The following MYBL1 variants were observed in gnomAD, a reference collection of about 807,000 sequenced individuals.
MYBL1 encodes the protein MYB proto-oncogene like 1, also known as myb-related protein A.
In MYBL1, 17 loss-of-function variants were observed where a neutral mutation model predicts 96.3. The observed-to-expected ratio is 0.18, with a 90% CI of 0.12 to 0.26. The LOEUF (loss-of-function observed/expected upper bound fraction) is 0.26. MYBL1 is among the 10% of genes least tolerant of loss of function. MYBL1 has a pLI of 1.00. For missense variants in MYBL1, 701 were observed against 882.9 expected, an observed-to-expected ratio of 0.79 and a Z score of 2.61; for synonymous variants, 282 against 292.7, an observed-to-expected ratio of 0.96 and a Z score of 0.37.
chr8:66,567,075 A>G (rs1808534111), intron 12 of MYBL1, 83 bp from the exon 13 acceptor site: 4 of 816,964 alleles, frequency 4.9e-6, no homozygotes, highest in Non-Finnish European at 7.8e-6. Context: ...CATCTTTTAT[A>G]CTTGTCCATT....
intron 8 of MYBL1, among the ~76,000 whole-genome samples, chr8:66,581,656 A>G (rs1183449889): frequency 1.3e-5 from 2 of 152,216 alleles, no homozygotes; most frequent in African/African-American, 4.8e-5. Context: ...AGCCTGGCTG[A>G]CAGAGTGAGA....
chr8:66,609,719 A>G (rs900598322), intron 1 of MYBL1, among the ~76,000 whole-genome samples: 2 of 152,010 alleles, frequency 1.3e-5, no homozygotes, highest in Non-Finnish European at 2.9e-5. Context: ...ATTAGTATGT[A>G]TATACTTTTA....
At chr8:66,570,782 G>T in intron 12 of MYBL1, among the ~76,000 whole-genome samples, 1 of 151,910 alleles carries the variant, frequency 6.6e-6, no homozygotes, top group East Asian at 1.9e-4. Context: ...AAAAATTATG[G>T]GATAAATATA....
intron 1 of MYBL1, among the ~76,000 whole-genome samples, chr8:66,605,216 T>TA (rs1467736586): frequency 6.6e-6 from 1 of 152,208 alleles, no homozygotes; most frequent in Non-Finnish European, 1.5e-5. Flanking sequence ...GTTTTGTAGT[T>TA]AGAGTTCATT....
chr8:66,609,565 A>C (rs1249433173), intron 1 of MYBL1, among the ~76,000 whole-genome samples: 3 of 152,164 alleles, frequency 2.0e-5, no homozygotes, highest in Non-Finnish European at 4.4e-5. Context: ...TGAATATTTT[A>C]TTTCCAAATC....
At chr8:66,572,369 A>G (rs930486797) in intron 12 of MYBL1, 113 bp downstream of exon 12, 3 of 541,568 alleles carry the variant, frequency 5.5e-6, no homozygotes, top group African/African-American at 3.8e-5. Context: ...AAAGCTTTGT[A>G]TCTGTTTCAG....
At position 66,595,682 on chromosome 8, in the gene MYBL1, A is replaced by G. The variant is rs372026537; in HGVS notation, c.588T>C (p.Asp196=). 1.3e-4 allele frequency: 198 copies of G among 1,583,386 alleles called. No homozygotes were observed. Among genetic ancestry groups the G allele is most frequent in the Non-Finnish European group, 1.5e-4 (172 of 1,162,894 alleles). ...ATGAAGATCGTTCTGATTTTATTCC[A>G]TCTTGTAAATAGCCCTCCTGTTCCA... ...RKVEQEGYLQ[D]GIKSERSSSK... Residue 196 remains aspartate, a synonymous_variant, in exon 6 of 16, where the codon GAT becomes GAC. Transcript: ENST00000522677.
intron 3 of MYBL1, among the ~76,000 whole-genome samples, chr8:66,601,306 A>C (rs1810064331): frequency 6.6e-6 from 1 of 152,014 alleles, no homozygotes; most frequent in Non-Finnish European, 1.5e-5. Context: ...TAAAATCAAC[A>C]TTTTAAAAGG....
chr8:66,574,583 T>C (rs1266819436), intron 10 of MYBL1, among the ~76,000 whole-genome samples: 1 of 152,220 alleles, frequency 6.6e-6, no homozygotes, highest in Non-Finnish European at 1.5e-5. Flanking sequence ...GCATTCTCCA[T>C]GTTTGTTTGA....
At chr8:66,567,601 A>C (rs1232512352) in intron 12 of MYBL1, among the ~76,000 whole-genome samples, 1 of 152,140 alleles carries the variant, frequency 6.6e-6, no homozygotes, top group Non-Finnish European at 1.5e-5. Flanking sequence ...GTGTCAGCTG[A>C]GTGATGAAAT....
chr8:66,603,010 G>T (rs1409662242), intron 1 of MYBL1, among the ~76,000 whole-genome samples: 1 of 151,822 alleles, frequency 6.6e-6, no homozygotes, highest in African/African-American at 2.4e-5. Flanking sequence ...CTCCCAATGT[G>T]CTGGGATTAC....
At chr8:66,574,040 G>C (rs1259176820) in intron 10 of MYBL1, among the ~76,000 whole-genome samples, 1 of 152,118 alleles carries the variant, frequency 6.6e-6, no homozygotes, top group African/African-American at 2.4e-5. Context: ...CCTCTAAGCA[G>C]TCAAAACTGG....
At chr8:66,566,835 A>G (rs1265553601) in intron 13 of MYBL1, 41 bp downstream of exon 13, 3 of 1,579,532 alleles carry the variant, frequency 1.9e-6, no homozygotes, top group Non-Finnish European at 2.6e-6. Context: ...AGTCTCTTGG[A>G]TACAATAAGA....
intron 6 of MYBL1, among the ~76,000 whole-genome samples, chr8:66,595,150 C>A (rs975568995): frequency 4.6e-5 from 7 of 152,110 alleles, no homozygotes; most frequent in Admixed American, 4.6e-4. Flanking sequence ...AAGTTGAATG[C>A]CAGCAAAATC....
chr8:66,580,169 G>T lies in MYBL1; in HGVS notation c.1065C>A (p.Ile355=). The change falls in exon 9 of 16, where the codon ATC becomes ATA. Residue 355 remains isoleucine (I), a synonymous_variant. Coordinates refer to ENST00000522677, the MANE Select transcript of MYBL1 (RefSeq NM_001080416.4). ...ANAVLSSLQT[I]PEFAETLELI... ...GTTCTAGAGTCTCTGCAAATTCTGGGATGGTCTGCAAAGAGGATAACACAG... is the reference window on the plus strand; with the variant it reads ...GTTCTAGAGTCTCTGCAAATTCTGGTATGGTCTGCAAAGAGGATAACACAG... 6.2e-7 allele frequency: 1 copy of T among 1,613,704 alleles called. No individual in the cohort carries two copies. The highest frequency in any genetic ancestry group is 8.5e-7 in the Non-Finnish European group (1 of 1,179,732).
intron 8 of MYBL1, among the ~76,000 whole-genome samples, 176 bp from the exon 9 acceptor site, chr8:66,580,542 T>G (rs1180161148): frequency 6.6e-6 from 1 of 152,230 alleles, no homozygotes; most frequent in Non-Finnish European, 1.5e-5. Context: ...TTTTTTCTAA[T>G]TAAAATTTTT....
intron 1 of MYBL1, among the ~76,000 whole-genome samples, chr8:66,608,274 G>C: frequency 6.6e-6 from 1 of 152,078 alleles, no homozygotes; most frequent in South Asian, 2.1e-4. Flanking sequence ...ATTTCAGCAT[G>C]GTCATCAGTT....
Position 66,566,135 on chromosome 8 carries a change from T to G in MYBL1, c.2059A>C (p.Thr687Pro). 1 of 1,544,716 alleles carries G rather than the reference T, an allele frequency of 6.5e-7. No individual in the cohort carries two copies. The change falls in exon 15 of 16, where the codon ACA (threonine) becomes CCA (proline). Residue 687 changes from threonine to proline, a missense_variant. Coordinates refer to ENST00000522677, the MANE Select transcript of MYBL1 (RefSeq NM_001080416.4). ...GGTTTCTTTTTAGTAAGTGTATATG[T>G]TTTGTTGGTTGAATTTATATCTTGT... ...EKQDINSTNK[T>P]YTLTKKKPNP...
chr8:66,602,382 C>T, intron 2 of MYBL1, 36 bp downstream of exon 2: 1 of 1,443,432 alleles, frequency 6.9e-7, no homozygotes, highest in Non-Finnish European at 9.5e-7. Context: ...CCAATAAATA[C>T]ATGTAAGAAA....
Sources: allele counts gnomAD v4.1 joint callset (sites outside exome capture counted in the v4.1 genomes callset), GRCh38; gene constraint gnomAD v4.1.1; transcripts MANE v1.5; gene names NCBI Gene and HGNC (gene_info 2026-07-23, HGNC 2026-07-21).